MYO18A: variants seen among roughly 807,000 people sequenced by gnomAD.
MYO18A encodes myosin XVIIIA.
MYO18A carries 78 observed loss-of-function variants against 235.8 expected under a neutral mutation model. The observed-to-expected ratio is 0.33, with a 90% CI of 0.28 to 0.40. The LOEUF is 0.40. Ranked by LOEUF, MYO18A falls within the 10% of genes least tolerant of loss-of-function variation. MYO18A has a pLI of 1.00. For missense variants in MYO18A, 2,215 were observed against 2,699.3 expected, an observed-to-expected ratio of 0.82 and a Z score of 3.98; for synonymous variants, 977 against 1,077.8, an observed-to-expected ratio of 0.91 and a Z score of 1.83.
At position 29,121,816 on chromosome 17, in the gene MYO18A, C is replaced by T. The variant is rs1190287275; in HGVS notation, c.1194+35G>A. On this transcript the variant is annotated intron_variant, in intron 4 of 41. Transcript: ENST00000527372. This position sits in a 1 kb window ranked among gnomAD's most constrained non-coding sequence, Gnocchi z 4.2. The stretch of plus-strand genomic sequence containing the variant: ...CTGCCCTGCCCAGTGCACTCCTGAG[C>T]CTCCTCCCCCACACCCAGCCCCCTG... 6.2e-7 allele frequency: 1 copy of T among 1,612,242 alleles called. No individual in the cohort carries two copies. Among genetic ancestry groups the T allele is most frequent in the Admixed American group, 1.7e-5 (1 of 59,944 alleles).
rs148121456 is a variant in MYO18A, at chr17:29,106,871, C to T, written c.3441+209G>A. Among the ~76,000 whole-genome samples, 649 of 152,318 alleles carry T rather than the reference C, an allele frequency of 4.3e-3. 4 individuals are homozygous for T. Among genetic ancestry groups the T allele is most frequent in the Middle Eastern group, 0.024 (7 of 294 alleles). On this transcript the variant is annotated intron_variant, in intron 20 of 41. Coordinates refer to ENST00000527372, the MANE Select transcript of MYO18A (RefSeq NM_078471.4). The surrounding 1 kb of genome is among the most constrained non-coding windows in gnomAD (Gnocchi z 4.6). ...ATTGTCTGGCTCACCAGCAAGCAGA[C>T]ACCCCCAGCTCAGGCCTCCAAGGAG...
chr17:29,088,813 G>A (rs758188825), intron 37 of MYO18A, among the ~76,000 whole-genome samples: 4 of 152,244 alleles, frequency 2.6e-5, no homozygotes, highest in East Asian at 1.9e-4. Flanking sequence ...TGAGGCAGGC[G>A]GATTGCTTGA....
At chr17:29,090,744 A>T in intron 35 of MYO18A, 66 bp downstream of exon 35, 9 of 1,539,950 alleles carry the variant, frequency 5.8e-6, no homozygotes, top group Non-Finnish European at 8.1e-6. Context: ...TGTGCGGGGG[A>T]CCCATGAGGA....
At chr17:29,129,720 G>A (rs1327118035) in intron 2 of MYO18A, among the ~76,000 whole-genome samples, 1 of 152,220 alleles carries the variant, frequency 6.6e-6, no homozygotes, top group Non-Finnish European at 1.5e-5. Context: ...CACAGTAGGC[G>A]CACCTGGGAG....
chr17:29,090,658 G>A, intron 35 of MYO18A, 43 bp from the exon 36 acceptor site: 1 of 1,580,426 alleles, frequency 6.3e-7, no homozygotes. Context: ...TCCCCCATAA[G>A]CATTCAACCA....
In MYO18A at chr17:29,166,219, A is replaced by G. The variant is rs773311223; in HGVS notation, c.722T>C (p.Leu241Pro). 3 of 1,612,962 alleles carry G rather than the reference A, an allele frequency of 1.9e-6. No individual in the cohort carries two copies. Among genetic ancestry groups the G allele is most frequent in the Non-Finnish European group, 2.5e-6 (3 of 1,179,876 alleles). ...GGCCTGGCCCTCGGGGCCCCGATCC[A>G]GCATGGTTGTGCGCCGCAGGGAGAA... is the stretch of plus-strand genomic sequence containing the variant. ...FGFSLRRTTM[L>P]DRGPEGQACR... Residue 241 changes from leucine (L) to proline (P), a missense_variant, in exon 2 of 42, where the codon CTG (leucine) becomes CCG (proline). Coordinates refer to ENST00000527372, the MANE Select transcript of MYO18A (RefSeq NM_078471.4).
chr17:29,173,533 G>A (rs1286700100), intron 1 of MYO18A, among the ~76,000 whole-genome samples: 5 of 151,252 alleles, frequency 3.3e-5, no homozygotes, highest in Non-Finnish European at 7.4e-5. Context: ...TACTACAGGC[G>A]CCCGCCACCG....
chr17:29,134,361 G>A (rs957049444), intron 2 of MYO18A, among the ~76,000 whole-genome samples: 3 of 152,148 alleles, frequency 2.0e-5, no homozygotes, highest in Non-Finnish European at 4.4e-5. Flanking sequence ...GGGATTACAG[G>A]TGTGAGCTGA....
chr17:29,135,633 G>T (rs146804205), intron 2 of MYO18A, among the ~76,000 whole-genome samples: 1 of 152,330 alleles, frequency 6.6e-6, no homozygotes, highest in Non-Finnish European at 1.5e-5. Context: ...GGCCCAGGCT[G>T]TGAGGACACC....
intron 41 of MYO18A, chr17:29,080,203 G>A: frequency 1.0e-6 from 1 of 986,050 alleles, no homozygotes; most frequent in African/African-American, 1.7e-5. Flanking sequence ...ATCCTCCTCG[G>A]AGTCGGGCTC....
At chr17:29,165,829 TAC>T in intron 2 of MYO18A, 111 bp downstream of exon 2, 1 of 1,028,320 alleles carries the variant, frequency 9.7e-7, no homozygotes, top group Non-Finnish European at 1.4e-6. Flanking sequence ...CTTCCCCACT[TAC>T]ACACTGCTAG....
At chr17:29,154,121 T>TGTGTGTGTGTGCGCACGC (rs142430455) in intron 2 of MYO18A, among the ~76,000 whole-genome samples, 3 of 149,000 alleles carry the variant, frequency 2.0e-5, no homozygotes, top group African/African-American at 7.6e-5. Flanking sequence ...TGTGTGTGTG[T>TGTGTGTGTGTGCGCACGC]GCGCGCGCGT....
intron 41 of MYO18A, chr17:29,076,724 T>C (rs1165497629): frequency 3.3e-5 from 5 of 152,208 alleles, no homozygotes; most frequent in Admixed American, 6.5e-5. Context: ...TTTGGGGTTG[T>C]TTGAATTCTA....
Position 29,085,277 on chromosome 17 carries a change from A to G in MYO18A, c.5897+327T>C, listed in dbSNP as rs183464211. 3.9e-3 allele frequency among the ~76,000 whole-genome samples: 589 copies of G among 152,350 alleles called. 4 individuals are homozygous for G. The highest frequency in any genetic ancestry group is 4.8e-3 in the South Asian group (23 of 4,826). On this transcript the variant is annotated intron_variant, in intron 40 of 41. Transcript: ENST00000527372. ...AGAAATAGGCCAGGGAGGTGGCCAC[A>G]CTTGGTTTTTGAGGGAGGAATGTGC...
Position 29,106,760 on chromosome 17 carries a change from G to C in MYO18A, c.3441+320C>G, listed in dbSNP as rs1404356582. ...TTCAGGAACCAATCCCTGACATGGG[G>C]GCCCAGGTGCCATCGGTGGGGCTCC... On this transcript the variant is annotated intron_variant, in intron 20 of 41. Coordinates refer to ENST00000527372, the MANE Select transcript of MYO18A (RefSeq NM_078471.4). This position sits in a 1 kb window ranked among gnomAD's most constrained non-coding sequence, Gnocchi z 4.6. 6.6e-6 allele frequency among the ~76,000 whole-genome samples: 1 copy of C among 152,210 alleles called. No individual in the cohort carries two copies. Among genetic ancestry groups the C allele is most frequent in the Non-Finnish European group, 1.5e-5 (1 of 68,038 alleles).
chr17:29,083,129 G>A (rs900175366), intron 40 of MYO18A, among the ~76,000 whole-genome samples: 5 of 152,044 alleles, frequency 3.3e-5, no homozygotes, highest in Non-Finnish European at 5.9e-5. Flanking sequence ...AACAGTTTCA[G>A]TATCTAAATT....
rs1416853992 is a variant in MYO18A, at chr17:29,120,024, C to T, written c.1729-589G>A. Among the ~76,000 whole-genome samples, 2 of 152,178 alleles carry T rather than the reference C, an allele frequency of 1.3e-5. No homozygotes were observed. Among genetic ancestry groups the T allele is most frequent in the Non-Finnish European group, 1.5e-5 (1 of 68,028 alleles). On this transcript the variant is annotated intron_variant, in intron 7 of 41. Coordinates refer to ENST00000527372, the MANE Select transcript of MYO18A (RefSeq NM_078471.4). This position sits in a 1 kb window ranked among gnomAD's most constrained non-coding sequence, Gnocchi z 4.2. ...CCAAGTAGCTGGGACCACAGGCGTG[C>T]ACTACCACATCTGGCTCAATTAAGC...
chr17:29,074,050 GT>G lies in MYO18A; in HGVS notation c.*719del, dbSNP rs748230606. The G allele has an allele frequency of 3.2e-5, 52 of 1,613,928 alleles. No individual in the cohort carries two copies. The African/African-American group carries it at 6.8e-4, about 21-fold the overall frequency. On this transcript the variant is annotated 3_prime_UTR_variant, in exon 42 of 42. Coordinates refer to ENST00000527372, the MANE Select transcript of MYO18A (RefSeq NM_078471.4). The surrounding 1 kb of genome is among the most constrained non-coding windows in gnomAD (Gnocchi z 4.4). ...GTGCGGATGGTCCACACACACACTT[GT>G]CTGCGTAGGCTTGCTCAACCCAGCC...
chr17:29,080,455 T>TC, intron 41 of MYO18A: 1 of 986,050 alleles, frequency 1.0e-6, no homozygotes, highest in Non-Finnish European at 1.2e-6. Flanking sequence ...ATCCCACTCC[T>TC]CTAGGCAGCT....
Sources: allele counts gnomAD v4.1 joint callset (sites outside exome capture counted in the v4.1 genomes callset), GRCh38; gene constraint gnomAD v4.1.1; non-coding constraint Gnocchi (gnomAD v3.1); transcripts MANE v1.5; gene names NCBI Gene and HGNC (gene_info 2026-07-23, HGNC 2026-07-21).